The following UGGT1 variants were observed in gnomAD, a reference collection of about 807,000 sequenced individuals.
UGGT1 encodes UDP-glucose:glycoprotein glucosyltransferase 1.
A neutral mutation model predicts 203.9 loss-of-function variants in UGGT1; 107 were observed. That is an observed-to-expected ratio of 0.52 (90% CI 0.45 to 0.62). The LOEUF (loss-of-function observed/expected upper bound fraction) is 0.62. Ranked by LOEUF, UGGT1 falls within the 20% of genes least tolerant of loss-of-function variation. The pLI is 0.00. For synonymous variants in UGGT1, 628 were observed against 653.5 expected, an observed-to-expected ratio of 0.96 and a Z score of 0.59; for missense variants, 1,673 against 1,867.2, an observed-to-expected ratio of 0.90 and a Z score of 1.92.
intron 17 of UGGT1, among the ~76,000 whole-genome samples, chr2:128,144,464 G>A (rs1689584522): frequency 6.6e-6 from 1 of 152,124 alleles, no homozygotes; most frequent in Non-Finnish European, 1.5e-5. Context: ...TTATCTTATT[G>A]TATCTTGGAA....
chr2:128,119,169 G>A (rs549344168), intron 8 of UGGT1, among the ~76,000 whole-genome samples: 1 of 152,234 alleles, frequency 6.6e-6, no homozygotes, highest in Non-Finnish European at 1.5e-5. Context: ...AATGAGTTTT[G>A]GATTTTGGAG....
intron 9 of UGGT1, 132 bp from the exon 10 acceptor site, chr2:128,121,067 C>T: frequency 1.2e-6 from 1 of 805,678 alleles, no homozygotes; most frequent in Non-Finnish European, 2.0e-6. Context: ...ATCATGGGCA[C>T]TCTCTGGAAT....
chr2:128,174,676 T>C (rs748841913), intron 30 of UGGT1, 97 bp from the exon 31 acceptor site: 22 of 1,020,430 alleles, frequency 2.2e-5, no homozygotes, highest in East Asian at 7.1e-5. Flanking sequence ...ATTCACATTA[T>C]AGTTGATTGA....
intron 18 of UGGT1, chr2:128,151,378 A>G (rs1304829333): frequency 2.4e-6 from 1 of 409,712 alleles, no homozygotes; most frequent in Non-Finnish European, 4.6e-6. Context: ...TAAAATTTTT[A>G]TAGACTTTGC....
chr2:128,176,696 G>T, intron 31 of UGGT1, 118 bp from the exon 32 acceptor site: 1 of 934,100 alleles, frequency 1.1e-6, no homozygotes, highest in Non-Finnish European at 1.7e-6. Flanking sequence ...GGAGCAAGAA[G>T]ATAGCTGGAT....
intron 11 of UGGT1, among the ~76,000 whole-genome samples, chr2:128,123,700 A>G (rs1688486615): frequency 6.6e-6 from 1 of 152,080 alleles, no homozygotes; most frequent in Non-Finnish European, 1.5e-5. Context: ...CATCTTCTCA[A>G]TATTGGATGT....
At chr2:128,126,253 T>TG (rs1191261546) in intron 11 of UGGT1, among the ~76,000 whole-genome samples, 1 of 151,942 alleles carries the variant, frequency 6.6e-6, no homozygotes, top group East Asian at 1.9e-4. Context: ...AAATGTATTT[T>TG]TTTTTTGAGA....
rs1692214444 is a variant in UGGT1 at position 128,190,642 on chromosome 2, C to T, written c.*900C>T. ...TTTCCTTACTGAATACAGCCATACTCAGCCCCTCTCGCATCCAGCCCGTCA... is the reference window on the plus strand; with the variant it reads ...TTTCCTTACTGAATACAGCCATACTTAGCCCCTCTCGCATCCAGCCCGTCA... On this transcript the variant is annotated 3_prime_UTR_variant, in exon 41 of 41. Transcript: ENST00000259253. 1 of 152,236 alleles carries T rather than the reference C, an allele frequency of 6.6e-6. No homozygotes were observed. The highest frequency in any genetic ancestry group is 6.5e-5 in the Admixed American group (1 of 15,278). The allele number at this position is 152,236 out of a possible 1,614,324, so 9.4% of individuals were successfully genotyped here.
intron 11 of UGGT1, 119 bp downstream of exon 11, chr2:128,123,365 T>C: frequency 1.1e-6 from 1 of 891,948 alleles, no homozygotes; most frequent in Non-Finnish European, 1.7e-6. Flanking sequence ...ATGGTGATTT[T>C]TTCATTTCTG....
rs746663236 is a variant in UGGT1, at chr2:128,164,720, C to T, written c.2826-10C>T. The T allele has an allele frequency of 3.1e-6, 5 of 1,613,266 alleles. No individual in the cohort carries two copies. Among genetic ancestry groups the T allele is most frequent in the South Asian group, 1.1e-5 (1 of 91,052 alleles). On this transcript the variant is annotated splice_polypyrimidine_tract_variant and intron_variant, in intron 25 of 40. Transcript: ENST00000259253. ...AAAGATGTTAAGATTTCTCTAACCC[C>T]TTCTTTCAGGGCAAGCGACTTGGTA...
Position 128,157,295 on chromosome 2 carries a change from T to G in UGGT1, c.2304T>G (p.Asp768Glu). 6.2e-7 allele frequency: 1 copy of G among 1,614,146 alleles called. No homozygotes were observed. The highest frequency in any genetic ancestry group is 8.5e-7 in the Non-Finnish European group (1 of 1,180,000). ...IRPVTFWIVG[D>E]FDSPSGRQLL... is the part of the protein sequence containing the mutation. ...CAGTAACTTTTTGGATTGTTGGGGA[T>G]TTTGATAGCCCTTCTGGACGGCAGT... Residue 768 changes from aspartate to glutamate, a missense_variant, in exon 22 of 41, where the codon GAT becomes GAG. Physicochemically the swap from Asp to Glu is conservative, Grantham distance 45. Transcript: ENST00000259253.
intron 1 of UGGT1, among the ~76,000 whole-genome samples, chr2:128,092,855 G>A (rs1027507659): frequency 6.6e-6 from 1 of 151,996 alleles, no homozygotes; most frequent in Non-Finnish European, 1.5e-5. Flanking sequence ...ACTTGTTAAA[G>A]AGTGTTTTCT....
intron 11 of UGGT1, among the ~76,000 whole-genome samples, chr2:128,126,634 C>A (rs1688612484): frequency 1.3e-5 from 2 of 151,022 alleles, no homozygotes; most frequent in Admixed American, 1.3e-4. Context: ...TCTATATTAC[C>A]AGTGTCCAGA....
intron 2 of UGGT1, 91 bp from the exon 3 acceptor site, chr2:128,103,841 A>C: frequency 1.2e-6 from 1 of 850,452 alleles, no homozygotes. Flanking sequence ...GGACATTTGG[A>C]AACTTCAAAA....
chr2:128,152,741 T>G, intron 18 of UGGT1, 43 bp from the exon 19 acceptor site: 1 of 1,566,610 alleles, frequency 6.4e-7, no homozygotes, highest in Non-Finnish European at 8.6e-7. Flanking sequence ...TTGCTAAAAT[T>G]TGCTTTACCC....
chr2:128,179,766 T>G lies in UGGT1; in HGVS notation c.3816-20T>G. 6.2e-7 allele frequency: 1 copy of G among 1,600,186 alleles called. No homozygotes were observed. The highest frequency in any genetic ancestry group is 8.5e-7 in the Non-Finnish European group (1 of 1,170,958). On this transcript the variant is annotated intron_variant, in intron 34 of 40. Transcript: ENST00000259253. ...ATAACATTGGAAAGCTGTTATTAAT[T>G]ACCTGCTTTTGTTTGGCAGCATAAT...
At chr2:128,138,572 G>A in intron 15 of UGGT1, 145 bp from the exon 16 acceptor site, 2 of 892,828 alleles carry the variant, frequency 2.2e-6, no homozygotes, top group Non-Finnish European at 3.3e-6. Flanking sequence ...TCATGTTAGA[G>A]TAGAGTAGGC....
At chr2:128,179,018 A>G (rs2104810111) in intron 34 of UGGT1, among the ~76,000 whole-genome samples, 1 of 152,262 alleles carries the variant, frequency 6.6e-6, no homozygotes, top group East Asian at 1.9e-4. Context: ...CCGAGTGTGA[A>G]GGGACTTGTC....
rs543604759 is a variant in UGGT1, at chr2:128,140,182, A to G, written c.1719+1330A>G. 13 of 174,504 alleles carry G rather than the reference A, an allele frequency of 7.4e-5. No individual in the cohort carries two copies. In the South Asian group the frequency reaches 1.4e-3, roughly 19 times the overall value. The allele number at this position is 174,504 out of a possible 1,614,324, so 10.8% of individuals were successfully genotyped here. A position where few individuals can be genotyped will look rare whatever the true frequency, so the allele number is the denominator to read the frequency against. ...GGTCAGCTTAGAGCTAGAGAAGCCAATGGCCATACCCGGCAGGAATTTCTT... is the reference window on the plus strand; with the variant it reads ...GGTCAGCTTAGAGCTAGAGAAGCCAGTGGCCATACCCGGCAGGAATTTCTT... On this transcript the variant is annotated intron_variant, in intron 16 of 40. Coordinates refer to ENST00000259253, the MANE Select transcript of UGGT1 (RefSeq NM_020120.4).
Sources: gnomAD v4.1 joint callset for allele counts (sites outside exome capture counted in the v4.1 genomes callset) on GRCh38, gnomAD v4.1.1 for gene constraint, MANE v1.5 for transcripts, NCBI Gene and HGNC (gene_info 2026-07-23, HGNC 2026-07-21) for gene names.